SEL1L2: variants seen among roughly 807,000 people sequenced by gnomAD.
The protein encoded by SEL1L2 is protein sel-1 homolog 2.
A neutral mutation model predicts 98.8 loss-of-function variants in SEL1L2; 89 were observed. That is an observed-to-expected ratio of 0.90 (90% CI 0.76 to 1.07). The LOEUF is 1.07. Among genes scored for constraint, SEL1L2 ranks in the 50% least tolerant of loss-of-function variants. The pLI, the probability that SEL1L2 is intolerant of heterozygous loss-of-function variation, is 0.00. For synonymous variants in SEL1L2, 262 were observed against 278.5 expected (o/e 0.94, Z 0.59); for missense variants, 788 against 812.0 (o/e 0.97, Z 0.36).
At chr20:13,994,643 T>A (rs552327637), upstream of SEL1L2, among the ~76,000 whole-genome samples, 7 of 152,288 alleles carry the variant, frequency 4.6e-5, no homozygotes, top group East Asian at 1.4e-3. Context: ...CGGACTTTAG[T>A]GAAACTGGAT....
intron 19 of SEL1L2, chr20:13,849,943 CT>C: frequency 1.8e-6 from 1 of 558,282 alleles, no homozygotes; most frequent in Non-Finnish European, 3.2e-6. Flanking sequence ...GTGCTTAAGG[CT>C]TTGAATGTAG....
intron 17 of SEL1L2, among the ~76,000 whole-genome samples, chr20:13,860,314 C>G (rs1352241617): frequency 6.6e-6 from 1 of 152,216 alleles, no homozygotes; most frequent in African/African-American, 2.4e-5. Context: ...CTCACTGTCT[C>G]CAAAGCTTCA....
intron 1 of SEL1L2, among the ~76,000 whole-genome samples, chr20:13,982,796 C>G (rs925772585): frequency 6.6e-6 from 1 of 150,902 alleles, no homozygotes; most frequent in African/African-American, 2.4e-5. Context: ...GAGGCCAAGG[C>G]GGGTGGATTA....
At chr20:13,970,555 G>T (rs574328743) in intron 1 of SEL1L2, among the ~76,000 whole-genome samples, 1 of 151,154 alleles carries the variant, frequency 6.6e-6, no homozygotes, top group Non-Finnish European at 1.5e-5. Flanking sequence ...TGCCATGGCC[G>T]GATGCAGTGG....
At chr20:13,918,414 T>C (rs933658106) in intron 4 of SEL1L2, among the ~76,000 whole-genome samples, 1 of 152,090 alleles carries the variant, frequency 6.6e-6, no homozygotes, top group Non-Finnish European at 1.5e-5. Context: ...GCCTCCCCTT[T>C]AGACAAGGTA....
chr20:13,935,466 C>G (rs2049406137), intron 2 of SEL1L2, among the ~76,000 whole-genome samples: 2 of 152,146 alleles, frequency 1.3e-5, no homozygotes, highest in Non-Finnish European at 2.9e-5. Context: ...TGGAGAAGTT[C>G]TATGATTACA....
chr20:13,860,661 C>T (rs189332843), intron 17 of SEL1L2, among the ~76,000 whole-genome samples: 11 of 152,144 alleles, frequency 7.2e-5, no homozygotes, highest in Non-Finnish European at 1.6e-4. Flanking sequence ...TCTTTTCCCT[C>T]TTTTCTCTTC....
chr20:13,885,096 T>C (rs1241002393), intron 10 of SEL1L2, among the ~76,000 whole-genome samples: 1 of 152,094 alleles, frequency 6.6e-6, no homozygotes, highest in Non-Finnish European at 1.5e-5. Flanking sequence ...TGTTGGAACA[T>C]GGATACCCCC....
intron 2 of SEL1L2, among the ~76,000 whole-genome samples, chr20:13,943,482 T>A (rs1054615135): frequency 0.02 from 3 of 150 alleles, no homozygotes; most frequent in Non-Finnish European, 0.028. Flanking sequence ...AGCTCTGGGT[T>A]TTTTTTTTTT....
chr20:13,871,270 G>C (rs2046182466), intron 12 of SEL1L2, among the ~76,000 whole-genome samples: 1 of 152,040 alleles, frequency 6.6e-6, no homozygotes, highest in South Asian at 2.1e-4. Context: ...TTTTCCACTT[G>C]ATGCTAAATT....
At chr20:13,933,970 T>TTC (rs901166582) in intron 2 of SEL1L2, among the ~76,000 whole-genome samples, 32 of 151,266 alleles carry the variant, frequency 2.1e-4, no homozygotes, top group Admixed American at 1.7e-3. Context: ...AAGGTTTTTT[T>TTC]TTTTTTTAAT....
At chr20:13,993,388 C>T (rs2052574263), upstream of SEL1L2, among the ~76,000 whole-genome samples, 1 of 152,126 alleles carries the variant, frequency 6.6e-6, no homozygotes. Context: ...GGAGAAGGAG[C>T]ATGAGTTCAG....
At chr20:13,926,794 C>T (rs2048926935) in intron 3 of SEL1L2, among the ~76,000 whole-genome samples, 1 of 152,036 alleles carries the variant, frequency 6.6e-6, no homozygotes, top group East Asian at 1.9e-4. Flanking sequence ...GTCACAGGCC[C>T]CAGAAGCAGC....
chr20:13,863,612 C>G (rs1990518296), intron 17 of SEL1L2, among the ~76,000 whole-genome samples: 1 of 152,214 alleles, frequency 6.6e-6, no homozygotes. Flanking sequence ...TACCTGACCT[C>G]TCTTAGGACA....
At chr20:13,938,773 C>T (rs543225867) in intron 2 of SEL1L2, among the ~76,000 whole-genome samples, 15 of 152,100 alleles carry the variant, frequency 9.9e-5, no homozygotes, top group African/African-American at 2.9e-4. Flanking sequence ...GAGGATCAAA[C>T]GAGTTAATAC....
At chr20:13,862,552 C>T (rs533300706) in intron 17 of SEL1L2, among the ~76,000 whole-genome samples, 1 of 152,146 alleles carries the variant, frequency 6.6e-6, no homozygotes, top group Admixed American at 6.5e-5. Context: ...GGAATTTATT[C>T]CTTTAGGTAC....
intron 1 of SEL1L2, among the ~76,000 whole-genome samples, chr20:13,977,891 T>C (rs1456840197): frequency 6.6e-6 from 1 of 152,210 alleles, no homozygotes; most frequent in Non-Finnish European, 1.5e-5. Flanking sequence ...ATTCATGGAT[T>C]GGAAAAATTA....
chr20:13,868,022 C>T (rs540034937), intron 14 of SEL1L2, among the ~76,000 whole-genome samples: 4 of 152,226 alleles, frequency 2.6e-5, no homozygotes, highest in Non-Finnish European at 5.9e-5. Flanking sequence ...TTCATATCTC[C>T]TGGTATTTGT....
At chr20:13,888,345 G>T in intron 6 of SEL1L2, 114 bp downstream of exon 6, 2 of 720,046 alleles carry the variant, frequency 2.8e-6, no homozygotes, top group Non-Finnish European at 4.7e-6. Context: ...CTATTAAGTT[G>T]GTGTTTTCAA....
Sources: allele counts gnomAD v4.1 joint callset (sites outside exome capture counted in the v4.1 genomes callset), GRCh38; gene constraint gnomAD v4.1.1; transcripts MANE v1.5; gene names NCBI Gene and HGNC (gene_info 2026-07-23, HGNC 2026-07-21).